The following ATP2B2 variants were observed in gnomAD, a reference collection of about 807,000 sequenced individuals.
ATP2B2 encodes ATPase plasma membrane Ca2+ transporting 2, also known as plasma membrane calcium-transporting ATPase 2.
ATP2B2 carries 15 observed loss-of-function variants against 120.0 expected under a neutral mutation model. The observed-to-expected ratio is 0.12, with a 90% CI of 0.08 to 0.19. The LOEUF is 0.19. ATP2B2 is among the 10% of genes least tolerant of loss of function. The pLI is 1.00. For synonymous variants in ATP2B2, 694 were observed against 700.3 expected (o/e 0.99, Z 0.14); for missense variants, 1,045 against 1,719.8 (o/e 0.61, Z 6.94).
chr3:10,647,431 G>C (rs956649796), intron 1 of ATP2B2, among the ~76,000 whole-genome samples: 3 of 152,192 alleles, frequency 2.0e-5, no homozygotes, highest in African/African-American at 7.2e-5. Context: ...TAAGCATCTA[G>C]GTTCAAAACT....
intron 1 of ATP2B2, among the ~76,000 whole-genome samples, chr3:10,467,185 T>C (rs939064936): frequency 6.6e-6 from 1 of 152,362 alleles, no homozygotes; most frequent in Admixed American, 6.5e-5. Context: ...TGGGGTTGTC[T>C]GTGTCCTTGG....
chr3:10,502,756 C>T lies in ATP2B2; in HGVS notation c.-320+2709G>A, dbSNP rs545422246. ...GCCTTCACCCATAGGAGATCCTCTT[C>T]ACTCTTTCTCGGAATCTTGCCACAA... On this transcript the variant is annotated intron_variant, in intron 1 of 22. Coordinates refer to ENST00000360273, the MANE Select transcript of ATP2B2 (RefSeq NM_001001331.4). Among the ~76,000 whole-genome samples, 3 of 152,382 alleles carry T rather than the reference C, an allele frequency of 2.0e-5. No homozygotes were observed. In the East Asian group the frequency reaches 5.8e-4, roughly 29 times the overall value.
rs544366984 is a variant in ATP2B2 at position 10,576,732 on chromosome 3, C to T, written c.-414-42599G>A. ...CCTTTTGAAGAGCTGGAGGGAATGA[C>T]GAGCTTGGCATAACGTGGGAGGCTG... is the stretch of plus-strand genomic sequence containing the variant. On this transcript the variant is annotated intron_variant, in intron 2 of 21. Coordinates refer to the ATP2B2 transcript ENST00000646379. 5.9e-5 allele frequency among the ~76,000 whole-genome samples: 9 copies of T among 151,988 alleles called. No individual in the cohort carries two copies. In the South Asian group the frequency reaches 1.3e-3, roughly 21 times the overall value.
intron 6 of ATP2B2, among the ~76,000 whole-genome samples, chr3:10,387,676 C>G (rs73131265): frequency 3.3e-5 from 5 of 152,084 alleles, no homozygotes; most frequent in African/African-American, 4.8e-5. Context: ...GTGGTCAGCT[C>G]GCTGCATTGA....
chr3:10,510,149 G>T (rs886919752), upstream of ATP2B2, among the ~76,000 whole-genome samples: 5 of 152,142 alleles, frequency 3.3e-5, no homozygotes, highest in Non-Finnish European at 5.9e-5. Context: ...TTGAACGCAG[G>T]TCACCAATTC....
chr3:10,566,091 G>A (rs189267467), intron 2 of ATP2B2, among the ~76,000 whole-genome samples: 2 of 151,526 alleles, frequency 1.3e-5, no homozygotes, highest in Admixed American at 1.3e-4. Flanking sequence ...TCCTTCCACT[G>A]ATTTCTCCAC....
At chr3:10,338,446 C>T in intron 21 of ATP2B2, 88 bp from the exon 22 acceptor site, 1 of 1,412,378 alleles carries the variant, frequency 7.1e-7, no homozygotes, top group Non-Finnish European at 1.0e-6. Context: ...CCTCCCTCCT[C>T]CTACCCGCTC....
intron 3 of ATP2B2, among the ~76,000 whole-genome samples, chr3:10,527,714 G>A (rs903969177): frequency 1.5e-4 from 23 of 152,364 alleles, no homozygotes; most frequent in African/African-American, 5.3e-4. Flanking sequence ...CCAGGGCTGT[G>A]GGGAGTGCCT....
intron 21 of ATP2B2, among the ~76,000 whole-genome samples, chr3:10,339,502 G>C (rs757355905): frequency 1.3e-5 from 2 of 152,188 alleles, no homozygotes; most frequent in Non-Finnish European, 2.9e-5. Context: ...CCTGGGTCAG[G>C]AGCCTTTGGG....
chr3:10,579,782 C>T (rs1308192803), intron 2 of ATP2B2, among the ~76,000 whole-genome samples: 1 of 142,658 alleles, frequency 7.0e-6, no homozygotes, highest in African/African-American at 2.5e-5. Context: ...TGCACTCCAG[C>T]CTGGGCAACA....
At chr3:10,630,780 T>G (rs1176199178) in intron 1 of ATP2B2, among the ~76,000 whole-genome samples, 1 of 141,822 alleles carries the variant, frequency 7.1e-6, no homozygotes, top group Non-Finnish European at 1.5e-5. Flanking sequence ...TTCTCCAAAC[T>G]GAGAGGTAGG....
rs781572230 is a variant in ATP2B2 at position 10,410,633 on chromosome 3, C to T, written c.382G>A (p.Gly128Ser). 1.6e-5 allele frequency: 26 copies of T among 1,606,904 alleles called. No homozygotes were observed. The highest frequency in any genetic ancestry group is 5.0e-5 in the Admixed American group (3 of 59,694). Residue 128 changes from glycine (G) to serine (S), a missense_variant, in exon 3 of 23, where the codon GGC becomes AGC. This residue lies in a region of ATP2B2 where 35 missense variants were observed against 37.2 expected (regional missense o/e 0.94). Coordinates refer to ENST00000360273, the MANE Select transcript of ATP2B2 (RefSeq NM_001001331.4). ...SLGLSFYHPP[G>S]EGNEGCATAQ... Reference sequence around the variant, plus strand: ...CCCATCTTACCTTCGTTGCCCTCGCCGGGCGGGTGGTAGAAGGACAGCCCC... The same window carrying T: ...CCCATCTTACCTTCGTTGCCCTCGCTGGGCGGGTGGTAGAAGGACAGCCCC...
chr3:10,472,606 G>A (rs2065059504), intron 1 of ATP2B2, among the ~76,000 whole-genome samples: 1 of 152,184 alleles, frequency 6.6e-6, no homozygotes, highest in Non-Finnish European at 1.5e-5. Flanking sequence ...TTCTCTCAAG[G>A]AAACTGTCTC....
At position 10,339,558 on chromosome 3, in the gene ATP2B2, G is replaced by A. The variant is rs533455144; in HGVS notation, c.3237+684C>T. 2.1e-3 allele frequency among the ~76,000 whole-genome samples: 319 copies of A among 152,276 alleles called. 2 individuals carry two copies. The highest frequency in any genetic ancestry group is 6.9e-3 in the African/African-American group (288 of 41,554). ...GACAGGGTCTGGAACTTGGGCAAAC[G>A]TAGAAAAACGAATTGGTGGGAGAAT... On this transcript the variant is annotated intron_variant, in intron 21 of 22. Transcript: ENST00000360273.
At chr3:10,351,078 C>T (rs943037777) in intron 14 of ATP2B2, among the ~76,000 whole-genome samples, 4 of 152,168 alleles carry the variant, frequency 2.6e-5, no homozygotes, top group African/African-American at 9.7e-5. Flanking sequence ...GAATGTGACA[C>T]GGATTTAGAA....
chr3:10,456,851 G>C (rs1288457059), intron 1 of ATP2B2, among the ~76,000 whole-genome samples: 2 of 152,132 alleles, frequency 1.3e-5, no homozygotes, highest in Non-Finnish European at 2.9e-5. Flanking sequence ...CCTTTCTGTA[G>C]GGGGCCCACT....
At chr3:10,426,726 G>A (rs768347782) in intron 2 of ATP2B2, among the ~76,000 whole-genome samples, 11 of 152,196 alleles carry the variant, frequency 7.2e-5, no homozygotes, top group African/African-American at 1.4e-4. Context: ...AGAAATAAAC[G>A]CCAGGAAAGC....
At chr3:10,391,820 C>T (rs1344320240) in intron 5 of ATP2B2, among the ~76,000 whole-genome samples, 1 of 152,222 alleles carries the variant, frequency 6.6e-6, no homozygotes, top group Non-Finnish European at 1.5e-5. Context: ...GTCCAAACCA[C>T]TCAGTCAGTG....
chr3:10,334,714 T>C (rs1383222264), intron 22 of ATP2B2, among the ~76,000 whole-genome samples: 1 of 152,216 alleles, frequency 6.6e-6, no homozygotes, highest in Non-Finnish European at 1.5e-5. Flanking sequence ...CTATGGGTCG[T>C]GGACATTTGC....
Sources: gnomAD v4.1 joint callset for allele counts (sites outside exome capture counted in the v4.1 genomes callset) on GRCh38, gnomAD v4.1.1 for gene constraint, gnomAD v4.1.1 regional missense constraint, MANE v1.5 for transcripts, NCBI Gene and HGNC (gene_info 2026-07-23, HGNC 2026-07-21) for gene names.